Variants in TSPAN9 observed in about 807,000 individuals in gnomAD.
The protein encoded by TSPAN9 is tetraspanin 9.
A neutral mutation model predicts 31.0 loss-of-function variants in TSPAN9; 16 were observed. The observed-to-expected ratio is 0.52, with a 90% CI of 0.35 to 0.78. TSPAN9 has a LOEUF of 0.78. TSPAN9 is among the 30% of genes least tolerant of loss of function. The pLI, the probability that TSPAN9 is intolerant of heterozygous loss-of-function variation, is 0.01. For synonymous variants in TSPAN9, 145 were observed against 121.6 expected, an observed-to-expected ratio of 1.19 and a Z score of -1.27; for missense variants, 272 against 312.5, an observed-to-expected ratio of 0.87 and a Z score of 0.98.
chr12:3,195,864 C>CA (rs1468133335), intron 2 of TSPAN9, among the ~76,000 whole-genome samples: 1 of 152,200 alleles, frequency 6.6e-6, no homozygotes, highest in Non-Finnish European at 1.5e-5. Context: ...GTACCACACT[C>CA]ACGCCTTTCT....
At chr12:3,137,894 C>A (rs1351227587) in intron 2 of TSPAN9, among the ~76,000 whole-genome samples, 1 of 152,192 alleles carries the variant, frequency 6.6e-6, no homozygotes, top group Non-Finnish European at 1.5e-5. Flanking sequence ...CTATCCCAGG[C>A]CCCTTGAAGC....
chr12:3,205,355 C>T lies in TSPAN9; in HGVS notation c.63+4099C>T, dbSNP rs539760021. Among the ~76,000 whole-genome samples the T allele has an allele frequency of 6.5e-4, 99 of 152,316 alleles. 1 individual carries two copies. The highest frequency in any genetic ancestry group is 1.4e-3 in the South Asian group (7 of 4,830). ...GGAAAAGGTTGGCGCAGGGTGGCCC[C>T]GGGCAGAGTGCTGATGGGGCCCTGA... is the stretch of plus-strand genomic sequence containing the variant. On this transcript the variant is annotated intron_variant, in intron 3 of 8. Coordinates refer to ENST00000011898, the MANE Select transcript of TSPAN9 (RefSeq NM_006675.5).
At chr12:3,131,952 C>T (rs2098330008) in intron 2 of TSPAN9, among the ~76,000 whole-genome samples, 1 of 152,178 alleles carries the variant, frequency 6.6e-6, no homozygotes, top group Admixed American at 6.5e-5. Context: ...TCACCACTGG[C>T]AACCACTGAT....
At chr12:3,214,891 C>T (rs2098380558) in intron 3 of TSPAN9, among the ~76,000 whole-genome samples, 1 of 151,756 alleles carries the variant, frequency 6.6e-6, no homozygotes, top group Non-Finnish European at 1.5e-5. Context: ...CTTCCTCCTT[C>T]CCCCCATCCC....
At chr12:3,087,767 T>C (rs1367209538) in intron 2 of TSPAN9, among the ~76,000 whole-genome samples, 1 of 152,042 alleles carries the variant, frequency 6.6e-6, no homozygotes, top group Non-Finnish European at 1.5e-5. Context: ...TATTGGCCAC[T>C]GCACTCCAGC....
At chr12:3,108,113 G>A (rs1414595366) in intron 2 of TSPAN9, among the ~76,000 whole-genome samples, 2 of 152,136 alleles carry the variant, frequency 1.3e-5, no homozygotes, top group African/African-American at 4.8e-5. Context: ...GCTCACCCCT[G>A]TGCTGAAGGT....
rs1017767067 is a variant in TSPAN9, at chr12:3,143,433, C to CTAA, written c.-17-57742_-17-57740dup. Among the ~76,000 whole-genome samples the CTAA allele has an allele frequency of 6.6e-6, 1 of 151,734 alleles. No individual in the cohort carries two copies. Among genetic ancestry groups the CTAA allele is most frequent in the African/African-American group, 2.4e-5 (1 of 41,348 alleles). ...CAGCTCTTATAATTGTGGTGTTTGC[C>CTAA]TAATGGTAATTTTCTGTTTCCCTCA... On this transcript the variant is annotated intron_variant, in intron 2 of 8. Transcript: ENST00000011898. This position sits in a 1 kb window ranked among gnomAD's most constrained non-coding sequence, Gnocchi z 4.2.
chr12:3,129,911 G>C (rs1305612082), intron 2 of TSPAN9, among the ~76,000 whole-genome samples: 2 of 152,160 alleles, frequency 1.3e-5, no homozygotes, highest in African/African-American at 4.8e-5. Context: ...GTTCATCCCT[G>C]ACCAACCCCT....
At chr12:3,098,878 G>C (rs1372892636) in intron 2 of TSPAN9, among the ~76,000 whole-genome samples, 1 of 151,782 alleles carries the variant, frequency 6.6e-6, no homozygotes, top group Non-Finnish European at 1.5e-5. Flanking sequence ...AACCTCCTGA[G>C]TAGCCATGTG....
intron 1 of TSPAN9, among the ~76,000 whole-genome samples, chr12:3,078,536 AG>A (rs2098296262): frequency 1.3e-5 from 2 of 152,098 alleles, no homozygotes; most frequent in South Asian, 4.1e-4. Context: ...AGGGGAGGAG[AG>A]GGATTATGGA....
At chr12:3,258,125 T>G (rs1036351044) in intron 3 of TSPAN9, among the ~76,000 whole-genome samples, 1 of 152,174 alleles carries the variant, frequency 6.6e-6, no homozygotes, top group African/African-American at 2.4e-5. Context: ...CTCCTGAGCA[T>G]GGACATGGCA....
chr12:3,160,129 G>C (rs939031677), intron 2 of TSPAN9, among the ~76,000 whole-genome samples: 1 of 152,138 alleles, frequency 6.6e-6, no homozygotes, highest in Non-Finnish European at 1.5e-5. Context: ...CCACTAATCT[G>C]TGTTCTGTCT....
intron 2 of TSPAN9, among the ~76,000 whole-genome samples, chr12:3,105,254 G>A (rs1394799501): frequency 2.0e-5 from 3 of 152,174 alleles, no homozygotes; most frequent in South Asian, 2.1e-4. Flanking sequence ...CAGATGTGCC[G>A]TCCTCTCCCA....
intron 3 of TSPAN9, among the ~76,000 whole-genome samples, chr12:3,270,392 C>T (rs527381998): frequency 3.2e-4 from 48 of 152,334 alleles, no homozygotes; most frequent in African/African-American, 9.6e-4. Context: ...TTCTCTGGTC[C>T]TTGCTATCTA....
At position 3,172,658 on chromosome 12, in the gene TSPAN9, ATGGGCGATGGGG is replaced by A. The variant is rs1427924716; in HGVS notation, c.-17-28512_-17-28501del. On this transcript the variant is annotated intron_variant, in intron 2 of 8. Transcript: ENST00000011898. This position sits in a 1 kb window ranked among gnomAD's most constrained non-coding sequence, Gnocchi z 4.8. ...ACTCCTGGTACAAGTGAGGACTGAG[ATGGGCGATGGGG>A]TGGGCGGTGCGATGGGCCAGTTCGT... 1 of 152,188 alleles carries A rather than the reference ATGGGCGATGGGG, an allele frequency of 6.6e-6. No homozygotes were observed. The highest frequency in any genetic ancestry group is 1.5e-5 in the Non-Finnish European group (1 of 68,060). The allele number at this position is 152,188 out of a possible 1,614,324, so 9.4% of individuals were successfully genotyped here. A position where few individuals can be genotyped will look rare whatever the true frequency, so the allele number is the denominator to read the frequency against.
chr12:3,234,957 G>A (rs1233964509), intron 3 of TSPAN9, among the ~76,000 whole-genome samples: 16 of 149,352 alleles, frequency 1.1e-4, no homozygotes, highest in Middle Eastern at 6.8e-3. Context: ...TCAGGAGATC[G>A]AGACCATCCT....
chr12:3,098,717 T>C (rs2098310346), intron 2 of TSPAN9, among the ~76,000 whole-genome samples: 1 of 152,164 alleles, frequency 6.6e-6, no homozygotes. Context: ...CTTGAAATGC[T>C]TCCCGGATAT....
At chr12:3,099,765 A>G (rs942515467) in intron 2 of TSPAN9, among the ~76,000 whole-genome samples, 3 of 151,672 alleles carry the variant, frequency 2.0e-5, no homozygotes, top group South Asian at 4.1e-4. Context: ...TCTAGGGCTC[A>G]CTTAGCCTCA....
At chr12:3,099,840 C>CTTT (rs899603509) in intron 2 of TSPAN9, among the ~76,000 whole-genome samples, 6 of 123,648 alleles carry the variant, frequency 4.9e-5, no homozygotes, top group African/African-American at 9.1e-5. Context: ...TCTGTCCACT[C>CTTT]TTTTTTTTTT....
Sources: gnomAD v4.1 joint callset for allele counts (sites outside exome capture counted in the v4.1 genomes callset) on GRCh38, gnomAD v4.1.1 for gene constraint, Gnocchi (gnomAD v3.1) non-coding constraint, MANE v1.5 for transcripts, NCBI Gene and HGNC (gene_info 2026-07-23, HGNC 2026-07-21) for gene names.